AUTS2: variants seen among roughly 807,000 people sequenced by gnomAD.
The protein encoded by AUTS2 is autism susceptibility gene 2 protein.
Under a neutral mutation model 112.4 loss-of-function variants are expected in AUTS2, and 17 were observed. The ratio of observed to expected loss-of-function variants is 0.15; its 90% confidence interval spans 0.10 to 0.23. The LOEUF (loss-of-function observed/expected upper bound fraction) is 0.23, where lower values mean the gene tolerates loss of function less well. Ranked by LOEUF, AUTS2 falls within the 10% of genes least tolerant of loss-of-function variation. The probability of loss-of-function intolerance (pLI) is 1.00; values close to 1 mark genes in which losing one functional copy is unlikely to be tolerated. For missense variants in AUTS2, 1,510 were observed against 1,701.6 expected (o/e 0.89, Z 1.98); for synonymous variants, 751 against 702.7 (o/e 1.07, Z -1.09).
chr7:70,180,190 A>C (rs1473969184), intron 4 of AUTS2, among the ~76,000 whole-genome samples: 1 of 152,214 alleles, frequency 6.6e-6, no homozygotes, highest in Non-Finnish European at 1.5e-5. Context: ...ATAAGTTATC[A>C]TATTGCATTT....
chr7:70,572,844 T>C (rs1217058706), intron 5 of AUTS2, among the ~76,000 whole-genome samples: 1 of 152,198 alleles, frequency 6.6e-6, no homozygotes, highest in Non-Finnish European at 1.5e-5. Flanking sequence ...CAAGGGAGAT[T>C]AATATTTTAG....
chr7:70,720,314 C>T (rs1014726436), intron 6 of AUTS2, among the ~76,000 whole-genome samples: 5 of 151,868 alleles, frequency 3.3e-5, no homozygotes, highest in African/African-American at 1.2e-4. Flanking sequence ...GTAAGTACAC[C>T]CGCTGCCTCG....
At chr7:70,263,949 T>C (rs919511517) in intron 4 of AUTS2, among the ~76,000 whole-genome samples, 1 of 152,234 alleles carries the variant, frequency 6.6e-6, no homozygotes, top group Non-Finnish European at 1.5e-5. Flanking sequence ...CTATAAGTTC[T>C]AGTGGAAGTT....
rs201959190 is a variant in AUTS2, at chr7:69,899,294, A to G, written c.318A>G (p.Val106=). 3.7e-6 allele frequency: 6 copies of G among 1,612,374 alleles called. No homozygotes were observed. The African/African-American group carries it at 6.7e-5, about 18-fold the overall frequency. ...TCTCTTCTTTTCTACAGAAAGATGTAGCACTTAAGCCTCAGGAACGTGTGG... is the reference window on the plus strand; with the variant it reads ...TCTCTTCTTTTCTACAGAAAGATGTGGCACTTAAGCCTCAGGAACGTGTGG... ...FVTFEALEKD[V]ALKPQERVEK... The change falls in exon 2 of 19, where the codon GTA becomes GTG. Residue 106 remains valine, a synonymous_variant. Coordinates refer to ENST00000342771, the MANE Select transcript of AUTS2 (RefSeq NM_015570.4).
chr7:70,285,102 ATT>A (rs35363920), intron 4 of AUTS2, among the ~76,000 whole-genome samples: 1 of 147,374 alleles, frequency 6.8e-6, no homozygotes, highest in Non-Finnish European at 1.5e-5. Context: ...AGCCATGCTG[ATT>A]TTTTTTTTTA....
intron 2 of AUTS2, among the ~76,000 whole-genome samples, chr7:69,989,032 C>T (rs748894615): frequency 5.3e-5 from 8 of 152,180 alleles, no homozygotes; most frequent in Admixed American, 1.3e-4. Flanking sequence ...TTGAGCAGGA[C>T]AACTTTGCTG....
intron 4 of AUTS2, among the ~76,000 whole-genome samples, chr7:70,415,587 T>A (rs189918973): frequency 6.6e-6 from 1 of 152,214 alleles, no homozygotes; most frequent in South Asian, 2.1e-4. Flanking sequence ...TTGTTTAAGA[T>A]CTGGTGATCT....
At chr7:70,203,294 T>A (rs917625557) in intron 4 of AUTS2, among the ~76,000 whole-genome samples, 18 of 123,690 alleles carry the variant, frequency 1.5e-4, no homozygotes, top group African/African-American at 5.3e-4. Flanking sequence ...TGTATACATA[T>A]GTAACTAACC....
intron 6 of AUTS2, among the ~76,000 whole-genome samples, chr7:70,750,631 G>C (rs1447967281): frequency 6.6e-6 from 1 of 152,126 alleles, no homozygotes; most frequent in Non-Finnish European, 1.5e-5. Context: ...CAAACTCCTG[G>C]GCTCAAGTGA....
intron 4 of AUTS2, among the ~76,000 whole-genome samples, chr7:70,372,118 T>C (rs1260308934): frequency 1.3e-5 from 2 of 152,138 alleles, no homozygotes; most frequent in African/African-American, 4.8e-5. Flanking sequence ...TTTAGAGGGG[T>C]CCTATGTCCC....
At chr7:70,303,108 A>G (rs1789299215) in intron 4 of AUTS2, among the ~76,000 whole-genome samples, 1 of 152,082 alleles carries the variant, frequency 6.6e-6, no homozygotes, top group South Asian at 2.1e-4. Context: ...CTCTCACTTG[A>G]GATCAAGGAA....
At chr7:70,781,850 C>T in intron 15 of AUTS2, 94 bp downstream of exon 15, 1 of 1,477,120 alleles carries the variant, frequency 6.8e-7, no homozygotes. Context: ...GCCGCTCAGT[C>T]ACCACCTACA....
intron 1 of AUTS2, among the ~76,000 whole-genome samples, chr7:69,712,442 A>G (rs55662212): frequency 0.61 from 92,471 of 151,134 alleles, 28,530 homozygotes; most frequent in East Asian, 0.7. Context: ...ATTAATTGAC[A>G]CTTCCAACAA....
chr7:70,677,054 T>A lies in AUTS2; in HGVS notation c.691-21515T>A, dbSNP rs919469783. On this transcript the variant is annotated intron_variant, in intron 5 of 18. Transcript: ENST00000342771. ...ATTCTCCTGCTATTCACCAGAGACC[T>A]CCTAAATCAGCGATCCACCTGTCTT... 1.1e-4 allele frequency among the ~76,000 whole-genome samples: 16 copies of A among 152,206 alleles called. 1 individual carries two copies. The highest frequency in any genetic ancestry group is 7.3e-5 in the Non-Finnish European group (5 of 68,040).
chr7:69,984,406 CAA>C (rs34689325), intron 2 of AUTS2, among the ~76,000 whole-genome samples: 3 of 80,570 alleles, frequency 3.7e-5, no homozygotes, highest in Non-Finnish European at 4.9e-5. Context: ...GACTCTGTCT[CAA>C]AAAAAAAAAA....
intron 1 of AUTS2, among the ~76,000 whole-genome samples, chr7:69,740,481 A>G (rs1278883088): frequency 1.3e-5 from 2 of 152,128 alleles, no homozygotes; most frequent in Non-Finnish European, 2.9e-5. Context: ...TGTGAAACAT[A>G]ATTAAAGATT....
chr7:70,065,878 A>T (rs1802466975), intron 2 of AUTS2, among the ~76,000 whole-genome samples: 1 of 152,024 alleles, frequency 6.6e-6, no homozygotes, highest in African/African-American at 2.4e-5. Context: ...GCTATTTAAT[A>T]ACAGTTTTTT....
At chr7:70,370,456 T>C (rs1232534728) in intron 4 of AUTS2, among the ~76,000 whole-genome samples, 1 of 152,220 alleles carries the variant, frequency 6.6e-6, no homozygotes, top group African/African-American at 2.4e-5. Context: ...GCTGATTTCT[T>C]TCACTTATTT....
At chr7:70,442,283 A>G (rs1796150848) in intron 5 of AUTS2, among the ~76,000 whole-genome samples, 1 of 152,148 alleles carries the variant, frequency 6.6e-6, no homozygotes, top group African/African-American at 2.4e-5. Flanking sequence ...TAAGTGAACC[A>G]AGTTCAGAAG....
Sources: gnomAD v4.1 joint callset for allele counts (sites outside exome capture counted in the v4.1 genomes callset) on GRCh38, gnomAD v4.1.1 for gene constraint, MANE v1.5 for transcripts, NCBI Gene and HGNC (gene_info 2026-07-23, HGNC 2026-07-21) for gene names.